Variants in MYH10 observed in about 807,000 individuals in gnomAD.
MYH10 encodes the protein myosin heavy chain 10.
A neutral mutation model predicts 257.8 loss-of-function variants in MYH10; 55 were observed. The observed-to-expected ratio is 0.21, with a 90% confidence interval of 0.17 to 0.27. The LOEUF is 0.27. MYH10 is among the 10% of genes least tolerant of loss of function. The probability of loss-of-function intolerance (pLI) is 1.00; values close to 1 mark genes in which losing one functional copy is unlikely to be tolerated. For synonymous variants in MYH10, 854 were observed against 921.7 expected, an observed-to-expected ratio of 0.93 and a Z score of 1.33; for missense variants, 1,631 against 2,500.6, an observed-to-expected ratio of 0.65 and a Z score of 7.42.
intron 2 of MYH10, among the ~76,000 whole-genome samples, chr17:8,615,588 T>C (rs2085229735): frequency 6.6e-6 from 1 of 152,216 alleles, no homozygotes; most frequent in African/African-American, 2.4e-5. Context: ...TCACTCTCTC[T>C]TTGTGTACAT....
At position 8,512,391 on chromosome 17, in the gene MYH10, A is replaced by G. The variant is rs937485992; in HGVS notation, c.2952+60T>C. 9.5e-5 allele frequency: 130 copies of G among 1,361,366 alleles called. 1 individual carries two copies. The Middle Eastern group carries it at 1.3e-3, about 13-fold the overall frequency. 84.3% of individuals were successfully genotyped at this position (1,361,366 alleles called of 1,614,324 possible). Reference sequence around the variant, plus strand: ...GAATCCAAACACATAACTTCTGTTTATTCAACAGATCCACTTGAAAATCCA... The same window carrying G: ...GAATCCAAACACATAACTTCTGTTTGTTCAACAGATCCACTTGAAAATCCA... On this transcript the variant is annotated intron_variant, in intron 24 of 42. Coordinates refer to ENST00000360416, the MANE Select transcript of MYH10 (RefSeq NM_001256012.3).
chr17:8,528,982 G>A (rs575356433), intron 17 of MYH10, among the ~76,000 whole-genome samples: 2 of 152,226 alleles, frequency 1.3e-5, no homozygotes, highest in East Asian at 1.9e-4. Flanking sequence ...AGACAGAACC[G>A]GGAACATTTT....
intron 3 of MYH10, among the ~76,000 whole-genome samples, chr17:8,593,570 A>C (rs2084249066): frequency 6.6e-6 from 1 of 152,180 alleles, no homozygotes; most frequent in African/African-American, 2.4e-5. Flanking sequence ...TTCCATTAAA[A>C]CTAAAAAAAT....
chr17:8,623,328 G>T (rs1199793888), intron 1 of MYH10, 51 bp from the exon 2 acceptor site: 1 of 1,456,866 alleles, frequency 6.9e-7, no homozygotes, highest in Admixed American at 2.8e-5. Flanking sequence ...ACAAAAGAAT[G>T]TACACGTTTT....
intron 3 of MYH10, among the ~76,000 whole-genome samples, chr17:8,590,873 C>CTTT (rs398030291): frequency 0.016 from 1,460 of 90,016 alleles, 208 homozygotes; most frequent in African/African-American, 0.058. Flanking sequence ...TCAATGTCGC[C>CTTT]TTTTTTTTTT....
chr17:8,493,176 A>G, intron 32 of MYH10, 152 bp from the exon 33 acceptor site: 1 of 828,774 alleles, frequency 1.2e-6, no homozygotes, highest in Non-Finnish European at 1.9e-6. Context: ...CCAGGCCAAC[A>G]TAGTGAAACC....
chr17:8,508,773 A>T, intron 25 of MYH10, 96 bp from the exon 26 acceptor site: 1 of 1,465,546 alleles, frequency 6.8e-7, no homozygotes, highest in Non-Finnish European at 9.3e-7. Context: ...TCGAGAGAAA[A>T]TAAGTTCTAT....
At chr17:8,533,127 T>C (rs931455231) in intron 16 of MYH10, among the ~76,000 whole-genome samples, 22 of 152,188 alleles carry the variant, frequency 1.4e-4, no homozygotes, top group African/African-American at 4.8e-4. Flanking sequence ...TCATCTTCAG[T>C]CGCCCCATAT....
chr17:8,587,765 A>G (rs1354288256), intron 4 of MYH10, among the ~76,000 whole-genome samples: 3 of 152,168 alleles, frequency 2.0e-5, no homozygotes, highest in Non-Finnish European at 4.4e-5. Context: ...CAAAAATCCT[A>G]TTGATCTCTT....
chr17:8,542,340 TTAGTTATG>T (rs1421340724), intron 13 of MYH10, 60 bp from the exon 14 acceptor site: 1 of 1,505,814 alleles, frequency 6.6e-7, no homozygotes, highest in East Asian at 2.3e-5. Context: ...ATGGGAATAA[TTAGTTATG>T]TAGTTATAAA....
intron 41 of MYH10, among the ~76,000 whole-genome samples, chr17:8,478,087 A>G (rs947380016): frequency 6.6e-6 from 1 of 152,212 alleles, no homozygotes; most frequent in Non-Finnish European, 1.5e-5. Flanking sequence ...CACGAAGCAC[A>G]CATTCTAGTG....
chr17:8,500,778 G>C, intron 29 of MYH10, 48 bp downstream of exon 29: 14 of 1,593,420 alleles, frequency 8.8e-6, no homozygotes, highest in Non-Finnish European at 1.2e-5. Context: ...GAGTGGCTCT[G>C]ACGACAGACT....
chr17:8,569,633 GAAGAA>G lies in MYH10; in HGVS notation c.756+82_756+86del. On this transcript the variant is annotated intron_variant, in intron 7 of 42. Coordinates refer to ENST00000360416, the MANE Select transcript of MYH10 (RefSeq NM_001256012.3). This position sits in a 1 kb window ranked among gnomAD's most constrained non-coding sequence, Gnocchi z 4.1. ...CATCTATTAGCTTCTTAAAATCTAG[GAAGAA>G]AAGTAATTCATTTGCTTAATCACAG... The G allele has an allele frequency of 1.1e-6, 1 of 917,458 alleles. No homozygotes were observed. The highest frequency in any genetic ancestry group is 1.6e-6 in the Non-Finnish European group (1 of 623,412). 56.8% of individuals were successfully genotyped at this position (917,458 alleles called of 1,614,324 possible).
intron 3 of MYH10, among the ~76,000 whole-genome samples, chr17:8,595,727 G>A (rs991622280): frequency 2.0e-5 from 3 of 152,068 alleles, no homozygotes; most frequent in South Asian, 2.1e-4. Flanking sequence ...CACCAAGCCC[G>A]GCCCAAGAAC....
At chr17:8,492,169 C>G (rs1226812041) in intron 34 of MYH10, 128 bp downstream of exon 34, 1 of 889,044 alleles carries the variant, frequency 1.1e-6, no homozygotes, top group Non-Finnish European at 1.7e-6. Context: ...TCCTAGATGG[C>G]TTTGCTGCTG....
chr17:8,525,268 C>G (rs180834507), intron 17 of MYH10, among the ~76,000 whole-genome samples: 2 of 152,354 alleles, frequency 1.3e-5, no homozygotes, highest in African/African-American at 4.8e-5. Context: ...AAATACACCA[C>G]TCCCTTCTCT....
intron 13 of MYH10, among the ~76,000 whole-genome samples, chr17:8,544,399 G>A (rs1443799163): frequency 6.6e-6 from 1 of 151,922 alleles, no homozygotes; most frequent in African/African-American, 2.4e-5. Flanking sequence ...TGGAAATGTG[G>A]GTCTTTTCTT....
chr17:8,545,367 C>G lies in MYH10; in HGVS notation c.1431+81G>C. 6.6e-7 allele frequency: 1 copy of G among 1,505,458 alleles called. No individual in the cohort carries two copies. Among genetic ancestry groups the G allele is most frequent in the Non-Finnish European group, 9.1e-7 (1 of 1,097,012 alleles). 93.3% of individuals were successfully genotyped at this position (1,505,458 alleles called of 1,614,324 possible). A position where few individuals can be genotyped will look rare whatever the true frequency, so the allele number is the denominator to read the frequency against. On this transcript the variant is annotated intron_variant, in intron 13 of 42. Coordinates refer to ENST00000360416, the MANE Select transcript of MYH10 (RefSeq NM_001256012.3). The surrounding 1 kb of genome is among the most constrained non-coding windows in gnomAD (Gnocchi z 4.7). ...CTGTATCCCTGGTGCCTCGTATGTA[C>G]TGGGCACACAGTAAGCCTTCATATT...
intron 21 of MYH10, among the ~76,000 whole-genome samples, chr17:8,517,058 A>G (rs1006069883): frequency 1.8e-4 from 27 of 152,128 alleles, no homozygotes; most frequent in East Asian, 3.9e-4. Flanking sequence ...GGAGAATGGC[A>G]TGAACCCAGG....
Sources: gnomAD v4.1 joint callset for allele counts (sites outside exome capture counted in the v4.1 genomes callset) on GRCh38, gnomAD v4.1.1 for gene constraint, Gnocchi (gnomAD v3.1) non-coding constraint, MANE v1.5 for transcripts, NCBI Gene and HGNC (gene_info 2026-07-23, HGNC 2026-07-21) for gene names.